PRICKLE2: variants seen among roughly 807,000 people sequenced by gnomAD.
PRICKLE2 encodes the protein prickle planar cell polarity protein 2, also known as prickle-like protein 2.
In PRICKLE2, 21 loss-of-function variants were observed where a neutral mutation model predicts 81.4. The observed-to-expected ratio is 0.26, with a 90% CI of 0.18 to 0.37. The LOEUF is 0.37. Among genes scored for constraint, PRICKLE2 ranks in the 10% least tolerant of loss-of-function variants. The pLI, the probability that PRICKLE2 is intolerant of heterozygous loss-of-function variation, is 1.00. For synonymous variants in PRICKLE2, 456 were observed against 421.5 expected, an observed-to-expected ratio of 1.08 and a Z score of -1.00; for missense variants, 940 against 1,109.0, an observed-to-expected ratio of 0.85 and a Z score of 2.16.
At chr3:64,238,161 T>A (rs1223548579) in intron 2 of PRICKLE2, among the ~76,000 whole-genome samples, 1 of 152,158 alleles carries the variant, frequency 6.6e-6, no homozygotes, top group Non-Finnish European at 1.5e-5. Flanking sequence ...AGAGGTTTAG[T>A]TATATACCAC....
At chr3:64,232,213 C>T (rs1334693810) in intron 2 of PRICKLE2, among the ~76,000 whole-genome samples, 3 of 152,134 alleles carry the variant, frequency 2.0e-5, no homozygotes, top group Non-Finnish European at 4.4e-5. Context: ...ATGTGATTAA[C>T]CTCTCTCTCT....
chr3:64,251,787 G>A (rs530498177), intron 2 of PRICKLE2, among the ~76,000 whole-genome samples: 11 of 152,166 alleles, frequency 7.2e-5, no homozygotes, highest in Non-Finnish European at 1.5e-4. Context: ...CCTTGCTGCA[G>A]AGCAATCTAG....
chr3:64,137,612 A>G (rs1342956128), intron 7 of PRICKLE2, among the ~76,000 whole-genome samples: 1 of 152,192 alleles, frequency 6.6e-6, no homozygotes, highest in African/African-American at 2.4e-5. Context: ...ACATTGTAGC[A>G]GGGGTATATC....
At chr3:64,204,566 A>C (rs2078647319) in intron 1 of PRICKLE2, among the ~76,000 whole-genome samples, 1 of 118,174 alleles carries the variant, frequency 8.5e-6, no homozygotes, top group South Asian at 3.0e-4. Flanking sequence ...ACTTCTGAAC[A>C]ACAACAACAA....
chr3:64,125,825 G>A (rs1284421832), intron 7 of PRICKLE2, among the ~76,000 whole-genome samples: 3 of 152,172 alleles, frequency 2.0e-5, no homozygotes, highest in Non-Finnish European at 4.4e-5. Flanking sequence ...TGAGGTATGT[G>A]TGTATTCCAA....
intron 7 of PRICKLE2, among the ~76,000 whole-genome samples, chr3:64,125,596 T>G (rs577288007): frequency 6.6e-6 from 1 of 152,130 alleles, no homozygotes; most frequent in Non-Finnish European, 1.5e-5. Context: ...AAAAACATTA[T>G]TCACTGAAGG....
intron 5 of PRICKLE2, among the ~76,000 whole-genome samples, chr3:64,155,662 T>C (rs951346198): frequency 3.3e-5 from 5 of 152,312 alleles, no homozygotes; most frequent in Admixed American, 2.0e-4. Flanking sequence ...AGACAAAATG[T>C]GATACATACA....
At chr3:64,233,706 T>C (rs1158649954) in intron 2 of PRICKLE2, among the ~76,000 whole-genome samples, 1 of 152,204 alleles carries the variant, frequency 6.6e-6, no homozygotes, top group Non-Finnish European at 1.5e-5. Flanking sequence ...TATTGAAATA[T>C]AATTAATATA....
chr3:64,229,691 A>T (rs1363069760), upstream of PRICKLE2, among the ~76,000 whole-genome samples: 1 of 152,194 alleles, frequency 6.6e-6, no homozygotes, highest in Non-Finnish European at 1.5e-5. Flanking sequence ...GTTGTAAGGG[A>T]TATTACCAAA....
chr3:64,189,001 G>T (rs533172512), intron 2 of PRICKLE2, among the ~76,000 whole-genome samples: 1 of 152,310 alleles, frequency 6.6e-6, no homozygotes, highest in African/African-American at 2.4e-5. Flanking sequence ...TCACTAAACT[G>T]TCAGCTCCAC....
intron 1 of PRICKLE2, among the ~76,000 whole-genome samples, chr3:64,207,060 C>T (rs1184616081): frequency 6.6e-6 from 1 of 151,938 alleles, no homozygotes; most frequent in Admixed American, 6.6e-5. Context: ...CCACAATGCC[C>T]AGCTAATTTT....
rs556915857 is a variant in PRICKLE2, at chr3:64,266,354, G to A, written c.129-67387C>T. Among the ~76,000 whole-genome samples, 20 of 152,288 alleles carry A rather than the reference G, an allele frequency of 1.3e-4. 1 individual carries two copies. The South Asian group carries it at 3.1e-3, about 24-fold the overall frequency. On this transcript the variant is annotated intron_variant, in intron 2 of 8. Coordinates refer to the PRICKLE2 transcript ENST00000295902. Reference sequence around the variant, plus strand: ...AACAGAAATAAAAGTTGCTCAAGGAGGGCTTGTCCTGATTTCTGTTCTGCA... The same window carrying A: ...AACAGAAATAAAAGTTGCTCAAGGAAGGCTTGTCCTGATTTCTGTTCTGCA...
chr3:64,152,493 A>G (rs944073013), intron 6 of PRICKLE2, among the ~76,000 whole-genome samples: 4 of 152,156 alleles, frequency 2.6e-5, no homozygotes, highest in Non-Finnish European at 4.4e-5. Flanking sequence ...GGGGGAGTTA[A>G]TAGTTTATGG....
At chr3:64,178,891 GCCAACAGCACTATAACTCATGC>G (rs367888833) in intron 2 of PRICKLE2, among the ~76,000 whole-genome samples, 5 of 152,036 alleles carry the variant, frequency 3.3e-5, no homozygotes, top group East Asian at 1.9e-4. Flanking sequence ...TTAACTTATG[GCCAACAGCACTATAACTCATGC>G]CCAACAGCAC....
In PRICKLE2 at chr3:64,213,551, A is replaced by G. The variant is rs114189632; in HGVS notation, c.-41+11359T>C. 5.1e-3 allele frequency among the ~76,000 whole-genome samples: 774 copies of G among 152,282 alleles called. 12 individuals carry two copies. Among genetic ancestry groups the G allele is most frequent in the African/African-American group, 0.018 (729 of 41,564 alleles). Reference sequence around the variant, plus strand: ...TCAGAAGAGCAGGGGTTCTTTATAGATGAAGAAAGTGAAGTTCAGAGAAGC... The same window carrying G: ...TCAGAAGAGCAGGGGTTCTTTATAGGTGAAGAAAGTGAAGTTCAGAGAAGC... On this transcript the variant is annotated intron_variant, in intron 1 of 7. Coordinates refer to ENST00000638394, the MANE Select transcript of PRICKLE2 (RefSeq NM_198859.4).
intron 6 of PRICKLE2, among the ~76,000 whole-genome samples, chr3:64,151,198 C>A (rs2107023009): frequency 6.6e-6 from 1 of 152,314 alleles, no homozygotes; most frequent in South Asian, 2.1e-4. Context: ...CTGAGGTATG[C>A]ATGCTATATA....
chr3:64,150,196 G>T (rs566926508), intron 6 of PRICKLE2, among the ~76,000 whole-genome samples: 1 of 152,128 alleles, frequency 6.6e-6, no homozygotes, highest in Non-Finnish European at 1.5e-5. Context: ...GATGAACACA[G>T]GTTCAAATCC....
At chr3:64,110,462 C>T (rs942430032) in intron 7 of PRICKLE2, among the ~76,000 whole-genome samples, 7 of 152,118 alleles carry the variant, frequency 4.6e-5, no homozygotes, top group Non-Finnish European at 1.0e-4. Flanking sequence ...AGGATATGAC[C>T]TAGTGCAGGG....
chr3:64,241,016 G>A (rs6788767), intron 2 of PRICKLE2, among the ~76,000 whole-genome samples: 43,324 of 152,072 alleles, frequency 0.28, 7,035 homozygotes, highest in Admixed American at 0.4. Flanking sequence ...ACCAGAGGTC[G>A]AGAAACTTTG....
Sources: gnomAD v4.1 joint callset for allele counts (sites outside exome capture counted in the v4.1 genomes callset) on GRCh38, gnomAD v4.1.1 for gene constraint, MANE v1.5 for transcripts, NCBI Gene and HGNC (gene_info 2026-07-23, HGNC 2026-07-21) for gene names.